The following DHRS7 variants were observed in gnomAD, a reference collection of about 807,000 sequenced individuals.
DHRS7 encodes the protein dehydrogenase/reductase 7.
DHRS7 carries 34 observed loss-of-function variants against 38.9 expected under a neutral mutation model. The observed-to-expected ratio is 0.87, with a 90% CI of 0.66 to 1.16. The LOEUF is 1.16. Among genes scored for constraint, DHRS7 ranks in the 50% most tolerant of loss-of-function variants. The pLI, the probability that DHRS7 is intolerant of heterozygous loss-of-function variation, is 0.00. For missense variants in DHRS7, 421 were observed against 407.0 expected (o/e 1.03, Z -0.30); for synonymous variants, 158 against 153.1 (o/e 1.03, Z -0.24).
rs1732557895 is a variant in DHRS7, at chr14:60,153,156, C to T, written c.416G>A (p.Gly139Asp). ...FGRIDILVNN[G>D]GMSQRSLCMD... ...GCACAGAGAACGCTGGGACATTCCA[C>T]CATTGTTGACCAGAATGTCGATCTA... Residue 139 changes from glycine to aspartate, a missense_variant, in exon 4 of 7, where the codon GGT becomes GAT. Coordinates refer to ENST00000557185, the MANE Select transcript of DHRS7 (RefSeq NM_016029.4). The surrounding 1 kb of genome is among the most constrained non-coding windows in gnomAD (Gnocchi z 4.4). 1.2e-6 allele frequency: 2 copies of T among 1,614,068 alleles called. No homozygotes were observed. Among genetic ancestry groups the T allele is most frequent in the South Asian group, 2.2e-5 (2 of 91,080 alleles).
At chr14:60,159,919 G>A (rs1896729974) in intron 1 of DHRS7, among the ~76,000 whole-genome samples, 1 of 152,206 alleles carries the variant, frequency 6.6e-6, no homozygotes, top group Non-Finnish European at 1.5e-5. Flanking sequence ...TTAATACTAA[G>A]ATAGAATTGC....
chr14:60,165,028 C>G lies in DHRS7; in HGVS notation c.133+149G>C, dbSNP rs896891980. 8.1e-6 allele frequency: 8 copies of G among 990,364 alleles called. No individual in the cohort carries two copies. The highest frequency in any genetic ancestry group is 1.6e-5 in the African/African-American group (1 of 61,760). 61.3% of individuals were successfully genotyped at this position (990,364 alleles called of 1,614,324 possible). On this transcript the variant is annotated intron_variant, in intron 1 of 6. Transcript: ENST00000557185. The surrounding 1 kb of genome is among the most constrained non-coding windows in gnomAD (Gnocchi z 4.6). ...TCGCCTCTTCCTCCCCAACCCGCAG[C>G]CCCTGCGTAAGGGGCAGCCGGGCCT...
In DHRS7 at chr14:60,153,000, A is replaced by T. The variant is rs1479856467; in HGVS notation, c.572T>A (p.Ile191Asn). 1 of 1,614,192 alleles carries T rather than the reference A, an allele frequency of 6.2e-7. No individual in the cohort carries two copies. Among genetic ancestry groups the T allele is most frequent in the Admixed American group, 1.7e-5 (1 of 60,030 alleles). ...AAGAGGTACAGATATGATACCCAGG[A>T]TGCTATTCACAGTAACAATCTTTCC... ...KQGKIVTVNS[I>N]LGIISVPLSI... Residue 191 changes from isoleucine to asparagine, a missense_variant, in exon 4 of 7, where the codon ATC becomes AAC. Ile to Asn is a moderately radical substitution (Grantham distance 149, BLOSUM62 -3). Coordinates refer to ENST00000557185, the MANE Select transcript of DHRS7 (RefSeq NM_016029.4).
In DHRS7 at chr14:60,153,781, T is replaced by A. The variant is rs1896598547; in HGVS notation, c.393+178A>T. ...GGAGGAATTTGTACTTGTTAAGACA[T>A]GAAAAGTACTAATTCCATAATGACA... is the stretch of plus-strand genomic sequence containing the variant. On this transcript the variant is annotated intron_variant, in intron 3 of 6. Coordinates refer to ENST00000557185, the MANE Select transcript of DHRS7 (RefSeq NM_016029.4). The surrounding 1 kb of genome is among the most constrained non-coding windows in gnomAD (Gnocchi z 4.4). Among the ~76,000 whole-genome samples, 1 of 152,162 alleles carries A rather than the reference T, an allele frequency of 6.6e-6. No individual in the cohort carries two copies. The highest frequency in any genetic ancestry group is 2.4e-5 in the African/African-American group (1 of 41,438).
At position 60,150,199 on chromosome 14, in the gene DHRS7, A is replaced by C; in HGVS notation, c.634-12T>G. 7.7e-7 allele frequency: 1 copy of C among 1,294,846 alleles called. No individual in the cohort carries two copies. Among genetic ancestry groups the C allele is most frequent in the Non-Finnish European group, 1.0e-6 (1 of 968,310 alleles). 80.2% of individuals were successfully genotyped at this position (1,294,846 alleles called of 1,614,324 possible). A position where few individuals can be genotyped will look rare whatever the true frequency, so the allele number is the denominator to read the frequency against. On this transcript the variant is annotated splice_polypyrimidine_tract_variant and intron_variant, in intron 4 of 6. Coordinates refer to ENST00000557185, the MANE Select transcript of DHRS7 (RefSeq NM_016029.4). ...CCATTAAAAAAACCCTAACAGACAA[A>C]AAAAAAAAAAAAGGAAAAAGGCAAA...
chr14:60,168,377 T>C (rs1896892454), upstream of DHRS7, among the ~76,000 whole-genome samples: 1 of 152,244 alleles, frequency 6.6e-6, no homozygotes, highest in Non-Finnish European at 1.5e-5. Flanking sequence ...TATTCTAATC[T>C]AGAACTTCAA....
rs936351022 is a variant in DHRS7, at chr14:60,153,619, C to G, written c.393+340G>C. On this transcript the variant is annotated intron_variant, in intron 3 of 6. Transcript: ENST00000557185. This position sits in a 1 kb window ranked among gnomAD's most constrained non-coding sequence, Gnocchi z 4.4. ...GCTGAGGCAGGAGAATCCCTTAAAC[C>G]TGGGAGGCGGAGATTGCAGTGAACC... Among the ~76,000 whole-genome samples, 2 of 152,146 alleles carry G rather than the reference C, an allele frequency of 1.3e-5. No homozygotes were observed. The highest frequency in any genetic ancestry group is 2.4e-5 in the African/African-American group (1 of 41,426).
chr14:60,149,715 T>A, intron 5 of DHRS7, 147 bp from the exon 6 acceptor site: 1 of 639,546 alleles, frequency 1.6e-6, no homozygotes, highest in Non-Finnish European at 2.7e-6. Context: ...AATGGGAGTT[T>A]ATAAACTATT....
chr14:60,151,928 C>T (rs780327907), intron 4 of DHRS7, among the ~76,000 whole-genome samples: 11 of 152,148 alleles, frequency 7.2e-5, no homozygotes, highest in Admixed American at 2.0e-4. Context: ...GATGGGTGGC[C>T]GCCCTCCCTC....
chr14:60,161,417 C>G lies in DHRS7; in HGVS notation c.133+3760G>C, dbSNP rs1300335552. Among the ~76,000 whole-genome samples, 1 of 152,130 alleles carries G rather than the reference C, an allele frequency of 6.6e-6. No homozygotes were observed. The highest frequency in any genetic ancestry group is 2.4e-5 in the African/African-American group (1 of 41,420). On this transcript the variant is annotated intron_variant, in intron 1 of 6. Transcript: ENST00000557185. The surrounding 1 kb of genome is among the most constrained non-coding windows in gnomAD (Gnocchi z 4.2). ...TTCTGCTTTCTTGTTTTACAAAAAG[C>G]TGTTTCAGGAAGAAAAGAAAAGAAA...
intron 2 of DHRS7, among the ~76,000 whole-genome samples, chr14:60,154,598 TTTC>T (rs1896619351): frequency 6.6e-6 from 1 of 152,202 alleles, no homozygotes; most frequent in East Asian, 1.9e-4. Flanking sequence ...TGTGATTGGC[TTTC>T]TGTTCATCAA....
intron 1 of DHRS7, chr14:60,159,167 C>A (rs1896714045): frequency 5.5e-6 from 2 of 363,492 alleles, no homozygotes; most frequent in Non-Finnish European, 1.1e-5. Context: ...AGTGTTGGAA[C>A]CCCAACATAC....
At position 60,153,280 on chromosome 14, in the gene DHRS7, A is replaced by G; in HGVS notation, c.394-102T>C. ...GGTTATTTTGTTAACTTAAAGAATC[A>G]ATGGAACAATGGTATATTTCCAGAA... On this transcript the variant is annotated intron_variant, in intron 3 of 6. Transcript: ENST00000557185. This position sits in a 1 kb window ranked among gnomAD's most constrained non-coding sequence, Gnocchi z 4.4. 3.9e-6 allele frequency: 5 copies of G among 1,278,928 alleles called. No individual in the cohort carries two copies. The South Asian group carries it at 7.0e-5, about 18-fold the overall frequency. The allele number at this position is 1,278,928 out of a possible 1,614,324, so 79.2% of individuals were successfully genotyped here. A position where few individuals can be genotyped will look rare whatever the true frequency, so the allele number is the denominator to read the frequency against.
At chr14:60,155,804 G>A (rs1896645445) in intron 2 of DHRS7, 196 bp downstream of exon 2, 2 of 415,032 alleles carry the variant, frequency 4.8e-6, no homozygotes, top group Non-Finnish European at 8.1e-6. Flanking sequence ...TGCAAAAAAA[G>A]CATAGAAAGG....
upstream of DHRS7, among the ~76,000 whole-genome samples, chr14:60,165,765 A>G (rs1896859717): frequency 1.3e-5 from 2 of 152,160 alleles, no homozygotes; most frequent in African/African-American, 4.8e-5. The surrounding 1 kb of genome is among the most constrained non-coding windows in gnomAD (Gnocchi z 4.6). Flanking sequence ...CTCCATTCCT[A>G]TTCAGAAAGA....
chr14:60,145,000 G>T lies in DHRS7; in HGVS notation c.986C>A (p.Ser329Tyr). Reference protein sequence around the residue: ...NFKSGVDADSSYFKIFKTKHD With the variant: ...NFKSGVDADSYYFKIFKTKHD ...TTTTGTCTTAAAGATTTTAAAATAA[G>T]AAGAGTCTGCATCCTGTAAAAGAGG... is the stretch of plus-strand genomic sequence containing the variant. Residue 329 changes from serine to tyrosine, a missense_variant, in exon 7 of 7, where the codon TCT becomes TAT. Ser to Tyr is a moderately radical substitution (Grantham distance 144). Transcript: ENST00000557185. The T allele has an allele frequency of 3.1e-6, 5 of 1,600,628 alleles. No homozygotes were observed. Among genetic ancestry groups the T allele is most frequent in the Non-Finnish European group, 4.3e-6 (5 of 1,176,228 alleles).
At chr14:60,167,100 T>C (rs1896878267), upstream of DHRS7, among the ~76,000 whole-genome samples, 1 of 152,176 alleles carries the variant, frequency 6.6e-6, no homozygotes, top group South Asian at 2.1e-4. Flanking sequence ...GTTGTATGTT[T>C]TAAAACAACC....
rs1180543829 is a variant in DHRS7, at chr14:60,146,400, CTATAA to C, written c.973-1392_973-1388del. Reference sequence around the variant, plus strand: ...TTCCCCTTTGAAAAAAAAATCACTTCTATAATATATTCTTTCTCTGCCCTATTATT... The same window carrying C: ...TTCCCCTTTGAAAAAAAAATCACTTCTATATTCTTTCTCTGCCCTATTATT... On this transcript the variant is annotated intron_variant, in intron 6 of 6. Coordinates refer to ENST00000557185, the MANE Select transcript of DHRS7 (RefSeq NM_016029.4). The surrounding 1 kb of genome is among the most constrained non-coding windows in gnomAD (Gnocchi z 4.9). The C allele has an allele frequency of 6.6e-6, 1 of 152,112 alleles. No homozygotes were observed. Among genetic ancestry groups the C allele is most frequent in the Non-Finnish European group, 1.5e-5 (1 of 68,020 alleles). The allele number at this position is 152,112 out of a possible 1,614,324, so 9.4% of individuals were successfully genotyped here.
chr14:60,151,574 T>A (rs1896546085), intron 4 of DHRS7, among the ~76,000 whole-genome samples: 1 of 148,354 alleles, frequency 6.7e-6, no homozygotes, highest in African/African-American at 2.5e-5. Flanking sequence ...AATGGAAAAC[T>A]CCCATAACTT....
Sources: allele counts gnomAD v4.1 joint callset (sites outside exome capture counted in the v4.1 genomes callset), GRCh38; gene constraint gnomAD v4.1.1; non-coding constraint Gnocchi (gnomAD v3.1); transcripts MANE v1.5; gene names NCBI Gene and HGNC (gene_info 2026-07-23, HGNC 2026-07-21).